Variants in RALGAPA2 observed in about 807,000 individuals in gnomAD.
RALGAPA2 encodes Ral GTPase activating protein catalytic subunit alpha 2.
In RALGAPA2, 139 loss-of-function variants were observed where a neutral mutation model predicts 230.4. That is an observed-to-expected ratio of 0.60 (90% confidence interval 0.53 to 0.69). RALGAPA2 has a LOEUF of 0.69. Among genes scored for constraint, RALGAPA2 ranks in the 30% least tolerant of loss-of-function variants. The pLI, the probability that RALGAPA2 is intolerant of heterozygous loss-of-function variation, is 0.00. For missense variants in RALGAPA2, 2,163 were observed against 2,276.0 expected (o/e 0.95, Z 1.01); for synonymous variants, 847 against 837.8 (o/e 1.01, Z -0.19).
chr20:20,557,244 G>A (rs2064111706), intron 23 of RALGAPA2, among the ~76,000 whole-genome samples: 3 of 152,086 alleles, frequency 2.0e-5, no homozygotes, highest in South Asian at 4.1e-4. Context: ...AGGAGGCGGA[G>A]GTTGCAGTGA....
rs921986500 is a variant in RALGAPA2, at chr20:20,677,630, T to C, written c.218-1342A>G. On this transcript the variant is annotated intron_variant, in intron 2 of 39. Transcript: ENST00000202677. ...CAGCCAAGAATCATGATTTGACCCA[T>C]TTTTTTTTTTTTTTTTTTTTTTTTT... 2.3e-3 allele frequency among the ~76,000 whole-genome samples: 162 copies of C among 69,390 alleles called. 1 individual carries two copies. Among genetic ancestry groups the C allele is most frequent in the South Asian group, 0.011 (20 of 1,828 alleles). The allele number at this position is 69,390 out of a possible 152,430, so 45.5% of individuals were successfully genotyped here.
chr20:20,645,827 A>G (rs1480180042), intron 4 of RALGAPA2, among the ~76,000 whole-genome samples: 1 of 152,208 alleles, frequency 6.6e-6, no homozygotes, highest in East Asian at 1.9e-4. Flanking sequence ...TACTTATCAG[A>G]CAACTGACAG....
rs754171888 is a variant in RALGAPA2 at position 20,605,251 on chromosome 20, G to C, written c.1962C>G (p.Thr654=). ...GGTTTGTCATCTCAACTCCATAAAC[G>C]GTTCTTGCAAGCACTGCTGTCAAGG... The part of the protein sequence containing the change: ...MDSLTAVLAR[T]VYGVEMTNLP... Residue 654 remains threonine (T), a synonymous_variant, in exon 15 of 40, where the codon ACC becomes ACG. Coordinates refer to ENST00000202677, the MANE Select transcript of RALGAPA2 (RefSeq NM_020343.4). 3.7e-6 allele frequency: 6 copies of C among 1,613,604 alleles called. No homozygotes were observed. In the East Asian group the frequency reaches 1.3e-4, roughly 36 times the overall value.
intron 20 of RALGAPA2, 112 bp from the exon 21 acceptor site, chr20:20,573,180 A>C (rs1339963551): frequency 1.1e-6 from 1 of 911,376 alleles, no homozygotes; most frequent in African/African-American, 1.7e-5. Context: ...TAAGGCAAAA[A>C]ATGTGAAACA....
At chr20:20,660,022 A>T in intron 3 of RALGAPA2, 15 of 182,176 alleles carry the variant, frequency 8.2e-5, no homozygotes, top group South Asian at 2.3e-4. Flanking sequence ...GGTGGGCTGA[A>T]TACTTTGAGG....
chr20:20,401,059 G>A (rs1383375109), intron 38 of RALGAPA2, among the ~76,000 whole-genome samples: 1 of 152,176 alleles, frequency 6.6e-6, no homozygotes, highest in Non-Finnish European at 1.5e-5. Context: ...CTATCAGCAG[G>A]CTGTTTAAAA....
At chr20:20,639,764 T>C (rs6082078) in intron 7 of RALGAPA2, 21 bp downstream of exon 7, 69,229 of 1,481,994 alleles carry the variant, frequency 0.047, 2,158 homozygotes, top group East Asian at 0.14. Context: ...ATCACTGAAA[T>C]AGTCATAATT....
intron 37 of RALGAPA2, among the ~76,000 whole-genome samples, chr20:20,458,086 ATG>A (rs2061166081): frequency 1.3e-5 from 2 of 152,202 alleles, no homozygotes; most frequent in African/African-American, 4.8e-5. Flanking sequence ...ACGGTCAGCA[ATG>A]CGCCCTTAGC....
chr20:20,680,978 C>A (rs1166627502), intron 1 of RALGAPA2, among the ~76,000 whole-genome samples, 177 bp from the exon 2 acceptor site: 3 of 152,174 alleles, frequency 2.0e-5, no homozygotes, highest in Admixed American at 2.0e-4. Flanking sequence ...CTTACTTGAA[C>A]CTTGAGTACC....
Position 20,589,336 on chromosome 20 carries a change from T to C in RALGAPA2, c.2371A>G (p.Ser791Gly). The C allele has an allele frequency of 6.3e-7, 1 of 1,591,278 alleles. No homozygotes were observed. The highest frequency in any genetic ancestry group is 8.6e-7 in the Non-Finnish European group (1 of 1,167,198). Reference protein sequence around the residue: ...GQKAENTQNSSSSEPQPIQEN... With the variant: ...GQKAENTQNSGSSEPQPIQEN... The stretch of plus-strand genomic sequence containing the variant: ...TGAATAGGCTGAGGCTCTGAAGAAC[T>C]CGAATTCTGTGTGTTTTCTGCCTTT... Residue 791 changes from serine (S) to glycine (G), a missense_variant, in exon 18 of 40, where the codon AGT (serine) becomes GGT (glycine). Physicochemically the swap from Ser to Gly is moderately conservative, Grantham distance 56 (BLOSUM62 0). Transcript: ENST00000202677.
intron 36 of RALGAPA2, among the ~76,000 whole-genome samples, chr20:20,474,781 C>T (rs2061614377): frequency 2.0e-5 from 3 of 152,158 alleles, no homozygotes; most frequent in Non-Finnish European, 1.5e-5. Flanking sequence ...GAGATGCCTA[C>T]TGGGTATCCA....
At chr20:20,452,641 TGGCGACAATGCC>T (rs1347345328) in intron 37 of RALGAPA2, among the ~76,000 whole-genome samples, 3 of 152,228 alleles carry the variant, frequency 2.0e-5, no homozygotes, top group African/African-American at 7.2e-5. Flanking sequence ...CTAATGAGCC[TGGCGACAATGCC>T]GGCCTTCAGA....
chr20:20,403,854 T>TG (rs59504383), intron 38 of RALGAPA2, among the ~76,000 whole-genome samples: 1 of 152,142 alleles, frequency 6.6e-6, no homozygotes, highest in Non-Finnish European at 1.5e-5. Flanking sequence ...ATTAGGGGTA[T>TG]GGGGGAGTGG....
chr20:20,639,624 A>T lies in RALGAPA2; in HGVS notation c.666+161T>A, dbSNP rs552310352. 5.3e-5 allele frequency among the ~76,000 whole-genome samples: 8 copies of T among 152,320 alleles called. 1 individual carries two copies. The South Asian group carries it at 1.7e-3, about 32-fold the overall frequency. ...ACAGCTGGTCTTGCTGAAGTGACCT[A>T]AAAAATGGTACACACTCTGCATTTG... On this transcript the variant is annotated intron_variant, in intron 7 of 39. Coordinates refer to ENST00000202677, the MANE Select transcript of RALGAPA2 (RefSeq NM_020343.4).
At chr20:20,459,660 A>G (rs1335792064) in intron 37 of RALGAPA2, among the ~76,000 whole-genome samples, 2 of 152,130 alleles carry the variant, frequency 1.3e-5, no homozygotes, top group Non-Finnish European at 2.9e-5. Flanking sequence ...GCACCCTGGA[A>G]TGGGCCATGG....
intron 36 of RALGAPA2, among the ~76,000 whole-genome samples, chr20:20,492,676 C>A (rs1360944495): frequency 6.6e-6 from 1 of 152,128 alleles, no homozygotes; most frequent in African/African-American, 2.4e-5. Flanking sequence ...GTCGAGTCTG[C>A]GTGGCACCCT....
At chr20:20,637,751 CT>C (rs2066901338) in intron 7 of RALGAPA2, among the ~76,000 whole-genome samples, 1 of 152,166 alleles carries the variant, frequency 6.6e-6, no homozygotes, top group Admixed American at 6.5e-5. Context: ...GATATCGTAT[CT>C]TTTATAACGT....
chr20:20,643,524 G>C lies in RALGAPA2; in HGVS notation c.354C>G (p.His118Gln), dbSNP rs560892999. 2 of 1,473,708 alleles carry C rather than the reference G, an allele frequency of 1.4e-6. No homozygotes were observed. Among genetic ancestry groups the C allele is most frequent in the African/African-American group, 1.4e-5 (1 of 71,022 alleles). 91.3% of individuals were successfully genotyped at this position (1,473,708 alleles called of 1,614,324 possible). The change falls in exon 5 of 40, where the codon CAC becomes CAG. Residue 118 changes from histidine to glutamine, a missense_variant. His to Gln is a conservative substitution (Grantham distance 24, BLOSUM62 0). Coordinates refer to ENST00000202677, the MANE Select transcript of RALGAPA2 (RefSeq NM_020343.4). Reference protein sequence around the residue: ...SIGSTLKKLLHTGNSIKIRCE... With the variant: ...SIGSTLKKLLQTGNSIKIRCE... ...TAAATACCTTAATAGAATTTCCAGT[G>C]TGTAGAAGCTTCTTTAAAGTTGAGC...
chr20:20,676,159 T>C, intron 3 of RALGAPA2, 77 bp downstream of exon 3: 1 of 1,044,326 alleles, frequency 9.6e-7, no homozygotes, highest in Non-Finnish European at 1.3e-6. Flanking sequence ...TTATTTGTCT[T>C]CAAATAAAAT....
Sources: allele counts gnomAD v4.1 joint callset (sites outside exome capture counted in the v4.1 genomes callset), GRCh38; gene constraint gnomAD v4.1.1; transcripts MANE v1.5; gene names NCBI Gene and HGNC (gene_info 2026-07-23, HGNC 2026-07-21).